TMEM178B: variants seen among roughly 807,000 people sequenced by gnomAD.
TMEM178B encodes transmembrane protein 178B.
In TMEM178B, 5 loss-of-function variants were observed where a neutral mutation model predicts 31.0. The ratio of observed to expected loss-of-function variants is 0.16; its 90% CI spans 0.08 to 0.34. The LOEUF is 0.34. Among genes scored for constraint, TMEM178B ranks in the 10% least tolerant of loss-of-function variants. TMEM178B has a pLI of 1.00. For missense variants in TMEM178B, 275 were observed against 400.3 expected (o/e 0.69, Z 2.67); for synonymous variants, 164 against 164.0 (o/e 1.00, Z 0.00).
At chr7:141,251,888 G>A (rs187669864) in intron 2 of TMEM178B, among the ~76,000 whole-genome samples, 1 of 152,178 alleles carries the variant, frequency 6.6e-6, no homozygotes, top group African/African-American at 2.4e-5. Flanking sequence ...CTGTACCTAG[G>A]GTGCAAGGGG....
chr7:141,381,860 A>G (rs1800322243), intron 2 of TMEM178B, among the ~76,000 whole-genome samples: 1 of 152,134 alleles, frequency 6.6e-6, no homozygotes, highest in South Asian at 2.1e-4. Context: ...AATGTTCCCC[A>G]TTTTTAATAC....
At chr7:141,259,483 C>T (rs1423873818) in intron 2 of TMEM178B, among the ~76,000 whole-genome samples, 2 of 152,142 alleles carry the variant, frequency 1.3e-5, no homozygotes, top group Non-Finnish European at 2.9e-5. Context: ...GTGTGGGTCA[C>T]ACTTTCCTAT....
At chr7:141,291,666 G>C (rs1412844896) in intron 2 of TMEM178B, among the ~76,000 whole-genome samples, 2 of 152,112 alleles carry the variant, frequency 1.3e-5, no homozygotes, top group Non-Finnish European at 2.9e-5. Flanking sequence ...CAAGAACCCT[G>C]TGCCGATTGT....
At chr7:141,236,490 A>G (rs142677654) in intron 2 of TMEM178B, among the ~76,000 whole-genome samples, 147 of 152,340 alleles carry the variant, frequency 9.6e-4, no homozygotes, top group African/African-American at 3.5e-3. Context: ...CCTGTGTGCA[A>G]TGTCACAAGA....
At chr7:141,298,222 A>C (rs1350279414) in intron 2 of TMEM178B, among the ~76,000 whole-genome samples, 1 of 151,900 alleles carries the variant, frequency 6.6e-6, no homozygotes, top group Non-Finnish European at 1.5e-5. Flanking sequence ...TTTTCTTGTA[A>C]ATTTGTTTCA....
Position 141,180,207 on chromosome 7 carries a change from G to A in TMEM178B, c.383-32384G>A, listed in dbSNP as rs556375525. On this transcript the variant is annotated intron_variant, in intron 1 of 3. Coordinates refer to ENST00000565468, the MANE Select transcript of TMEM178B (RefSeq NM_001195278.2). ...AATCTAAAGAAAACACAGGCCAGGC[G>A]TGGTGGCTCATGCCTATAATTCCAG... Among the ~76,000 whole-genome samples the A allele has an allele frequency of 1.2e-4, 18 of 152,246 alleles. No homozygotes were observed. The South Asian group carries it at 2.7e-3, about 23-fold the overall frequency.
At chr7:141,384,933 A>G (rs1221825702) in intron 2 of TMEM178B, among the ~76,000 whole-genome samples, 3 of 152,154 alleles carry the variant, frequency 2.0e-5, no homozygotes, top group African/African-American at 7.2e-5. Flanking sequence ...TCCATAATGC[A>G]TAATTGATCT....
At chr7:141,208,975 G>A (rs114056887) in intron 1 of TMEM178B, among the ~76,000 whole-genome samples, 2,046 of 152,310 alleles carry the variant, frequency 0.013, 43 homozygotes, top group African/African-American at 0.047. Flanking sequence ...CTGCTAGCTC[G>A]TAAGGCAGCA....
chr7:141,242,803 A>G (rs1797648257), intron 2 of TMEM178B, among the ~76,000 whole-genome samples: 1 of 151,972 alleles, frequency 6.6e-6, no homozygotes, highest in South Asian at 2.1e-4. Context: ...TCTGCCTCCC[A>G]GAGTGCGGGG....
chr7:141,260,846 G>A (rs1474346508), intron 2 of TMEM178B, among the ~76,000 whole-genome samples: 1 of 152,082 alleles, frequency 6.6e-6, no homozygotes, highest in Non-Finnish European at 1.5e-5. Context: ...ACACTTACTG[G>A]GGCCACTTTG....
At chr7:141,395,859 C>T (rs1800627928) in intron 2 of TMEM178B, among the ~76,000 whole-genome samples, 1 of 152,070 alleles carries the variant, frequency 6.6e-6, no homozygotes, top group Admixed American at 6.6e-5. Flanking sequence ...ACTGAAATAC[C>T]ACATATAATA....
the TMEM178B span, among the ~76,000 whole-genome samples, chr7:141,503,894 G>A: frequency 6.6e-6 from 1 of 152,154 alleles, no homozygotes; most frequent in Non-Finnish European, 1.5e-5. Flanking sequence ...CTCTTCATAC[G>A]TATGTGTATC....
intron 2 of TMEM178B, among the ~76,000 whole-genome samples, chr7:141,369,335 GTGTGTGTGTGTGTGTGTGTGTGTA>G (rs1489852022): frequency 6.6e-6 from 1 of 150,662 alleles, no homozygotes; most frequent in East Asian, 2.0e-4. Flanking sequence ...GTGTGTGTGT[GTGTGTGTGTGTGTGTGTGTGTGTA>G]TGTGTGTGTG....
chr7:141,500,556 A>G, the TMEM178B span, among the ~76,000 whole-genome samples: 1 of 152,220 alleles, frequency 6.6e-6, no homozygotes, highest in East Asian at 1.9e-4. Context: ...AAGGTCACAT[A>G]GCTGGTTGCA....
chr7:141,333,490 G>A (rs745730968), intron 2 of TMEM178B, among the ~76,000 whole-genome samples: 1 of 152,224 alleles, frequency 6.6e-6, no homozygotes, highest in Admixed American at 6.5e-5. Flanking sequence ...GTGCCATGCA[G>A]AATATGATTG....
At chr7:141,117,102 A>T (rs1182939501) in intron 1 of TMEM178B, among the ~76,000 whole-genome samples, 1 of 152,180 alleles carries the variant, frequency 6.6e-6, no homozygotes, top group East Asian at 1.9e-4. Context: ...TGTCTTCCAC[A>T]ATGGTTGAAC....
chr7:141,149,755 A>G (rs1490726590), intron 1 of TMEM178B, among the ~76,000 whole-genome samples: 1 of 152,222 alleles, frequency 6.6e-6, no homozygotes, highest in African/African-American at 2.4e-5. Flanking sequence ...CAAGGCCACC[A>G]CCAGAAGCTG....
chr7:141,375,906 A>G (rs978924389), intron 2 of TMEM178B, among the ~76,000 whole-genome samples: 4 of 152,204 alleles, frequency 2.6e-5, no homozygotes, highest in Non-Finnish European at 4.4e-5. Flanking sequence ...CCTCTTGGCC[A>G]TCGGCCTGCA....
intron 2 of TMEM178B, among the ~76,000 whole-genome samples, chr7:141,310,468 T>A (rs1798888766): frequency 6.6e-6 from 1 of 152,180 alleles, no homozygotes; most frequent in African/African-American, 2.4e-5. Flanking sequence ...GTCAGGTTTG[T>A]TACATAGGTA....
Sources: gnomAD v4.1 joint callset for allele counts (sites outside exome capture counted in the v4.1 genomes callset) on GRCh38, gnomAD v4.1.1 for gene constraint, MANE v1.5 for transcripts, NCBI Gene and HGNC (gene_info 2026-07-23, HGNC 2026-07-21) for gene names.